ZXDC: variants seen among roughly 807,000 people sequenced by gnomAD.
ZXDC encodes the protein zinc finger protein ZXDC.
ZXDC carries 58 observed loss-of-function variants against 63.6 expected under a neutral mutation model. That is an observed-to-expected ratio of 0.91 (90% CI 0.74 to 1.13). ZXDC has a LOEUF of 1.13. Ranked by LOEUF, ZXDC falls within the 50% of genes most tolerant of loss-of-function variation. The pLI is 0.00. For synonymous variants in ZXDC, 561 were observed against 496.1 expected (o/e 1.13, Z -1.74); for missense variants, 1,133 against 1,148.9 (o/e 0.99, Z 0.20).
chr3:126,441,516 T>G (rs2107626354), intron 8 of ZXDC: 1 of 1,276,602 alleles, frequency 7.8e-7, no homozygotes, highest in African/African-American at 1.5e-5. Context: ...CACAGACAGG[T>G]TCAGGAAGTG....
rs960118204 is a variant in ZXDC at position 126,453,998 on chromosome 3, T to C, written c.2212+5655A>G. 3.7e-4 allele frequency: 264 copies of C among 716,268 alleles called. 1 individual carries two copies. In the African/African-American group the frequency reaches 4.8e-3, roughly 13 times the overall value. The allele number at this position is 716,268 out of a possible 1,614,324, so 44.4% of individuals were successfully genotyped here. A position where few individuals can be genotyped will look rare whatever the true frequency, so the allele number is the denominator to read the frequency against. On this transcript the variant is annotated intron_variant, in intron 7 of 9. Transcript: ENST00000389709. ...ATATATATATGTGTACATATAGGCA[T>C]ATATATATATAAGCAGTACTATATA...
At chr3:126,474,816 A>G in intron 1 of ZXDC, 143 bp downstream of exon 1, 1 of 1,014,174 alleles carries the variant, frequency 9.9e-7, no homozygotes, top group Non-Finnish European at 1.4e-6. Context: ...ATCGAATGAC[A>G]TGGAAGGAGC....
At chr3:126,457,347 A>T in intron 7 of ZXDC, 8 of 985,436 alleles carry the variant, frequency 8.1e-6, no homozygotes, top group Non-Finnish European at 9.6e-6. Flanking sequence ...TATGTGTCTA[A>T]AACCACAGCA....
At chr3:126,459,228 C>A in intron 7 of ZXDC, 3 of 985,376 alleles carry the variant, frequency 3.0e-6, no homozygotes, top group Non-Finnish European at 3.6e-6. Context: ...CTGACAATGC[C>A]ACAGGACACA....
intron 7 of ZXDC, chr3:126,451,947 A>G (rs1290812836): frequency 9.1e-6 from 9 of 985,374 alleles, no homozygotes; most frequent in Non-Finnish European, 9.6e-6. Flanking sequence ...AAAAAGAACA[A>G]GGGCAGGCTG....
intron 7 of ZXDC, 133 bp from the exon 8 acceptor site, chr3:126,442,079 C>A: frequency 9.3e-7 from 1 of 1,070,282 alleles, no homozygotes; most frequent in Non-Finnish European, 1.2e-6. Flanking sequence ...GACGTAAAAT[C>A]ACTTAACAGA....
intron 7 of ZXDC, chr3:126,458,617 T>C (rs912576958): frequency 1.0e-6 from 1 of 985,294 alleles, no homozygotes; most frequent in Non-Finnish European, 1.2e-6. Context: ...TTATAGATAG[T>C]ACTCCAAAGC....
At chr3:126,468,581 C>A (rs1255626249) in intron 4 of ZXDC, among the ~76,000 whole-genome samples, 1 of 152,180 alleles carries the variant, frequency 6.6e-6, no homozygotes, top group Non-Finnish European at 1.5e-5. Flanking sequence ...CAGAGCTCTA[C>A]AGAAACAAAT....
chr3:126,438,512 G>T, intron 9 of ZXDC, 51 bp from the exon 10 acceptor site: 1 of 1,551,964 alleles, frequency 6.4e-7, no homozygotes, highest in Non-Finnish European at 8.8e-7. Flanking sequence ...GGAGGCAGAG[G>T]GATCCTGTGG....
In ZXDC at chr3:126,472,063, A is replaced by C; in HGVS notation, c.1061-12T>G. ...AAATGGTCTTTCACCTTATAAAAGA[A>C]AAAATTATACAGCATAAAATTTACA... On this transcript the variant is annotated splice_polypyrimidine_tract_variant and intron_variant, in intron 2 of 9. Coordinates refer to ENST00000389709, the MANE Select transcript of ZXDC (RefSeq NM_025112.5). 6.2e-7 allele frequency: 1 copy of C among 1,611,042 alleles called. No homozygotes were observed. Among genetic ancestry groups the C allele is most frequent in the Non-Finnish European group, 8.5e-7 (1 of 1,179,158 alleles).
chr3:126,470,362 A>C (rs113831265), intron 4 of ZXDC, among the ~76,000 whole-genome samples: 5,207 of 152,242 alleles, frequency 0.034, 299 homozygotes, highest in African/African-American at 0.12. Context: ...AGCTACTCAG[A>C]AGGCTGAGGC....
At chr3:126,463,527 A>G (rs1934639376) in intron 5 of ZXDC, among the ~76,000 whole-genome samples, 1 of 152,272 alleles carries the variant, frequency 6.6e-6, no homozygotes, top group Admixed American at 6.5e-5. Flanking sequence ...ATGCATAGGC[A>G]AGTTTAGGGT....
At chr3:126,472,907 A>G (rs951348168) in intron 1 of ZXDC, among the ~76,000 whole-genome samples, 6 of 152,196 alleles carry the variant, frequency 3.9e-5, no homozygotes, top group Non-Finnish European at 8.8e-5. Context: ...CTAAGCCTCA[A>G]CAATTCCACA....
In ZXDC at chr3:126,474,974, T is replaced by G; in HGVS notation, c.892A>C (p.Lys298Gln). Residue 298 changes from lysine to glutamine, a missense_variant, in exon 1 of 10, where the codon AAG becomes CAG. By Grantham distance (53) the Lys-to-Gln change is moderately conservative (BLOSUM62 1). Transcript: ENST00000389709. ...RSHFEPERPY[K>Q]CDFPGCEKTF... ...GCGCGGTTACCGGGAAAGTCACACT[T>G]GTAAGGGCGCTCGGGCTCGAAGTGG... 1 of 1,583,966 alleles carries G rather than the reference T, an allele frequency of 6.3e-7. No homozygotes were observed. Among genetic ancestry groups the G allele is most frequent in the East Asian group, 2.3e-5 (1 of 43,522 alleles).
intron 7 of ZXDC, chr3:126,453,360 CA>C (rs1934184972): frequency 1.0e-6 from 1 of 985,234 alleles, no homozygotes; most frequent in African/African-American, 1.7e-5. Flanking sequence ...TGGCCCATAC[CA>C]AAAGTTTTTC....
At chr3:126,460,105 C>A (rs188790286) in intron 6 of ZXDC, 1 of 985,442 alleles carries the variant, frequency 1.0e-6, no homozygotes. Context: ...ACACTTTTCA[C>A]GCTGTTTCAC....
At chr3:126,459,971 C>A (rs1934461282) in intron 6 of ZXDC, 1 of 985,340 alleles carries the variant, frequency 1.0e-6, no homozygotes, top group African/African-American at 1.7e-5. Flanking sequence ...AAAGTTCATT[C>A]CTTCATAGTC....
chr3:126,454,070 T>TTC, intron 7 of ZXDC: 13 of 831,678 alleles, frequency 1.6e-5, no homozygotes, highest in Non-Finnish European at 1.7e-5. Flanking sequence ...ATATATTTTT[T>TTC]TTTTTGGTAA....
chr3:126,458,810 G>A (rs1242061068), intron 7 of ZXDC: 4 of 985,176 alleles, frequency 4.1e-6, no homozygotes, highest in Non-Finnish European at 4.8e-6. Flanking sequence ...TTCCATTCTG[G>A]TACTTTGTGA....
Sources: gnomAD v4.1 joint callset for allele counts (sites outside exome capture counted in the v4.1 genomes callset) on GRCh38, gnomAD v4.1.1 for gene constraint, MANE v1.5 for transcripts, NCBI Gene and HGNC (gene_info 2026-07-23, HGNC 2026-07-21) for gene names.